PARD3B: variants seen among roughly 807,000 people sequenced by gnomAD.
PARD3B encodes par-3 family cell polarity regulator beta.
A neutral mutation model predicts 130.2 loss-of-function variants in PARD3B; 103 were observed. The ratio of observed to expected loss-of-function variants is 0.79; its 90% confidence interval spans 0.67 to 0.93. The LOEUF is 0.93. Ranked by LOEUF, PARD3B falls within the 40% of genes least tolerant of loss-of-function variation. The pLI, the probability that PARD3B is intolerant of heterozygous loss-of-function variation, is 0.00. For synonymous variants in PARD3B, 583 were observed against 553.2 expected, an observed-to-expected ratio of 1.05 and a Z score of -0.76; for missense variants, 1,609 against 1,499.2, an observed-to-expected ratio of 1.07 and a Z score of -1.21.
At chr2:204,872,711 T>C (rs1398346298) in intron 2 of PARD3B, among the ~76,000 whole-genome samples, 1 of 152,244 alleles carries the variant, frequency 6.6e-6, no homozygotes, top group Non-Finnish European at 1.5e-5. Context: ...TTTAGCTCTA[T>C]GCTGTTCACA....
chr2:204,602,641 T>C (rs1451118005), intron 1 of PARD3B, among the ~76,000 whole-genome samples: 1 of 151,954 alleles, frequency 6.6e-6, no homozygotes, highest in Non-Finnish European at 1.5e-5. Flanking sequence ...AGGGTCCCTA[T>C]TTAAAAGAGA....
intron 18 of PARD3B, among the ~76,000 whole-genome samples, chr2:205,344,280 A>G (rs2043664682): frequency 6.6e-6 from 1 of 151,848 alleles, no homozygotes; most frequent in Admixed American, 6.6e-5. Flanking sequence ...GTTAAAAGAC[A>G]GAGACATACA....
chr2:205,135,511 T>C (rs576827511), intron 10 of PARD3B, among the ~76,000 whole-genome samples: 1 of 152,272 alleles, frequency 6.6e-6, no homozygotes, highest in South Asian at 2.1e-4. Context: ...ATGTTTCATC[T>C]GCCTGGTTTT....
At position 205,265,074 on chromosome 2, in the gene PARD3B, C is replaced by A. The variant is rs1046583087; in HGVS notation, c.2185+19252C>A. Among the ~76,000 whole-genome samples, 1 of 141,692 alleles carries A rather than the reference C, an allele frequency of 7.1e-6. No homozygotes were observed. Among genetic ancestry groups the A allele is most frequent in the African/African-American group, 2.6e-5 (1 of 38,712 alleles). 93.0% of individuals were successfully genotyped at this position (141,692 alleles called of 152,430 possible). A position where few individuals can be genotyped will look rare whatever the true frequency, so the allele number is the denominator to read the frequency against. On this transcript the variant is annotated intron_variant, in intron 16 of 22. Coordinates refer to ENST00000406610, the MANE Select transcript of PARD3B (RefSeq NM_001302769.2). This position sits in a 1 kb window ranked among gnomAD's most constrained non-coding sequence, Gnocchi z 4.3. ...CAGGGAAAAATATCAACAGCGAAAC[C>A]GGATAGATGTGGCACCAATAGCTTA...
chr2:204,771,807 A>G (rs1345979724), intron 2 of PARD3B, among the ~76,000 whole-genome samples: 1 of 152,082 alleles, frequency 6.6e-6, no homozygotes, highest in African/African-American at 2.4e-5. Flanking sequence ...GCTTGTGTAT[A>G]AGAATGGCAA....
intron 2 of PARD3B, among the ~76,000 whole-genome samples, chr2:204,941,238 G>A (rs1044500931): frequency 1.3e-5 from 2 of 152,180 alleles, no homozygotes; most frequent in Non-Finnish European, 2.9e-5. Flanking sequence ...GCAGGGCGTG[G>A]TGGCACGTGC....
At chr2:205,304,720 G>A (rs1198144302) in intron 18 of PARD3B, among the ~76,000 whole-genome samples, 2 of 151,238 alleles carry the variant, frequency 1.3e-5, no homozygotes, top group East Asian at 3.9e-4. Flanking sequence ...CAAATCACTT[G>A]AGCCCAGGAG....
rs556967135 is a variant in PARD3B, at chr2:205,591,238, A to G, written c.3261-24218A>G. Among the ~76,000 whole-genome samples, 4 of 152,308 alleles carry G rather than the reference A, an allele frequency of 2.6e-5. No homozygotes were observed. Among genetic ancestry groups the G allele is most frequent in the East Asian group, 3.9e-4 (2 of 5,178 alleles). On this transcript the variant is annotated intron_variant, in intron 22 of 22. Transcript: ENST00000406610. The surrounding 1 kb of genome is among the most constrained non-coding windows in gnomAD (Gnocchi z 4.2). ...GAGTGTACATTTTAGTGTATTTTGTATAAGTTTTTTCAATGAACATAGTCC... is the reference window on the plus strand; with the variant it reads ...GAGTGTACATTTTAGTGTATTTTGTGTAAGTTTTTTCAATGAACATAGTCC...
Position 205,265,791 on chromosome 2 carries a change from G to A in PARD3B, c.2185+19969G>A, listed in dbSNP as rs142246000. ...AGTTAAAAGATTATTCAAATCTTTG[G>A]AATTTTCAGAGATGAATTTTATCAA... is the stretch of plus-strand genomic sequence containing the variant. On this transcript the variant is annotated intron_variant, in intron 16 of 22. Transcript: ENST00000406610. This position sits in a 1 kb window ranked among gnomAD's most constrained non-coding sequence, Gnocchi z 4.3. 4.8e-3 allele frequency among the ~76,000 whole-genome samples: 732 copies of A among 152,016 alleles called. 6 individuals carry two copies. The highest frequency in any genetic ancestry group is 0.017 in the African/African-American group (702 of 41,504).
chr2:204,645,711 C>CAA (rs2035247572), intron 1 of PARD3B, among the ~76,000 whole-genome samples: 2 of 152,082 alleles, frequency 1.3e-5, no homozygotes, highest in African/African-American at 4.8e-5. Flanking sequence ...TTTTAATACA[C>CAA]AAATATGAAG....
intron 2 of PARD3B, among the ~76,000 whole-genome samples, chr2:204,858,396 G>T (rs1011716137): frequency 5.3e-5 from 8 of 151,084 alleles, no homozygotes; most frequent in African/African-American, 1.9e-4. Flanking sequence ...AGGAGATTCT[G>T]CTCTATGCCA....
Position 205,506,174 on chromosome 2 carries a change from A to T in PARD3B, c.3180+6143A>T, listed in dbSNP as rs543167405. Among the ~76,000 whole-genome samples the T allele has an allele frequency of 1.6e-4, 25 of 152,232 alleles. No homozygotes were observed. In the East Asian group the frequency reaches 4.7e-3, roughly 28 times the overall value. The stretch of plus-strand genomic sequence containing the variant: ...ATGGTGAAACCCTGTCTTTACTAAA[A>T]ATACAAAAATTAGCTGGGCATGGTG... On this transcript the variant is annotated intron_variant, in intron 21 of 22. Coordinates refer to ENST00000406610, the MANE Select transcript of PARD3B (RefSeq NM_001302769.2).
At chr2:204,581,029 T>G (rs1217779304) in intron 1 of PARD3B, among the ~76,000 whole-genome samples, 1 of 152,232 alleles carries the variant, frequency 6.6e-6, no homozygotes, top group African/African-American at 2.4e-5. Flanking sequence ...AGATGGGATA[T>G]TATAGTTATG....
At chr2:204,888,918 A>G (rs1182550603) in intron 2 of PARD3B, among the ~76,000 whole-genome samples, 2 of 152,174 alleles carry the variant, frequency 1.3e-5, no homozygotes, top group Non-Finnish European at 2.9e-5. Flanking sequence ...ATATAAGCTA[A>G]AGAATTATAG....
At chr2:205,033,819 A>G (rs575986002) in intron 3 of PARD3B, among the ~76,000 whole-genome samples, 1 of 152,274 alleles carries the variant, frequency 6.6e-6, no homozygotes, top group African/African-American at 2.4e-5. Flanking sequence ...AGGATCTAAG[A>G]CTGTAAAGTA....
chr2:204,597,251 G>A (rs886588557), intron 1 of PARD3B, among the ~76,000 whole-genome samples: 4 of 151,098 alleles, frequency 2.6e-5, no homozygotes, highest in Non-Finnish European at 4.4e-5. Flanking sequence ...GGCAGGAGCC[G>A]ATGCGTGTTT....
intron 2 of PARD3B, among the ~76,000 whole-genome samples, chr2:204,909,108 G>A (rs1380990998): frequency 2.0e-5 from 3 of 152,136 alleles, no homozygotes; most frequent in African/African-American, 7.2e-5. Context: ...CAGAGGTTAT[G>A]CAGTAAGGAA....
chr2:204,812,987 A>G (rs1216228464), intron 2 of PARD3B, among the ~76,000 whole-genome samples: 3 of 152,134 alleles, frequency 2.0e-5, no homozygotes, highest in African/African-American at 7.2e-5. Flanking sequence ...GGCTTTCTCC[A>G]GTTTTTGATT....
At chr2:204,798,146 A>G (rs1006356274) in intron 2 of PARD3B, among the ~76,000 whole-genome samples, 3 of 152,110 alleles carry the variant, frequency 2.0e-5, no homozygotes, top group Non-Finnish European at 2.9e-5. Flanking sequence ...GGCACTGGAG[A>G]GGGTAGGAAG....
Sources: gnomAD v4.1 joint callset for allele counts (sites outside exome capture counted in the v4.1 genomes callset) on GRCh38, gnomAD v4.1.1 for gene constraint, Gnocchi (gnomAD v3.1) non-coding constraint, MANE v1.5 for transcripts, NCBI Gene and HGNC (gene_info 2026-07-23, HGNC 2026-07-21) for gene names.